FAM83F: variants seen among roughly 807,000 people sequenced by gnomAD.
FAM83F encodes protein FAM83F.
Under a neutral mutation model 42.9 loss-of-function variants are expected in FAM83F, and 45 were observed. The observed-to-expected ratio is 1.05, with a 90% CI of 0.83 to 1.35. The LOEUF (loss-of-function observed/expected upper bound fraction) is 1.35, where lower values mean the gene tolerates loss of function less well. Among genes scored for constraint, FAM83F ranks in the 40% most tolerant of loss-of-function variants. The pLI is 0.00. For synonymous variants in FAM83F, 306 were observed against 298.3 expected (o/e 1.03, Z -0.27); for missense variants, 617 against 695.9 (o/e 0.89, Z 1.28).
In FAM83F at chr22:39,995,608, GGGCCCGGGGCA is replaced by G; in HGVS notation, c.489+82_489+92del. 6.9e-7 allele frequency: 1 copy of G among 1,446,340 alleles called. No homozygotes were observed. Among genetic ancestry groups the G allele is most frequent in the Non-Finnish European group, 9.1e-7 (1 of 1,099,512 alleles). The allele number at this position is 1,446,340 out of a possible 1,614,324, so 89.6% of individuals were successfully genotyped here. A position where few individuals can be genotyped will look rare whatever the true frequency, so the allele number is the denominator to read the frequency against. ...TGGACCGGGCCCCACCTCCCAGGCA[GGGCCCGGGGCA>G]GGCCGCCCTGAGCACCCTCTGGAAA... On this transcript the variant is annotated intron_variant, in intron 1 of 4. Coordinates refer to ENST00000333407, the MANE Select transcript of FAM83F (RefSeq NM_138435.4). This position sits in a 1 kb window ranked among gnomAD's most constrained non-coding sequence, Gnocchi z 4.6.
At chr22:40,005,597 T>G (rs1188536993) in intron 1 of FAM83F, among the ~76,000 whole-genome samples, 4 of 152,344 alleles carry the variant, frequency 2.6e-5, no homozygotes, top group Non-Finnish European at 4.4e-5. Context: ...AGCCTGGGTC[T>G]CCTTTGTACA....
In FAM83F at chr22:39,994,984, T is replaced by A; in HGVS notation, c.-59T>A. The A allele has an allele frequency of 8.2e-7, 1 of 1,214,420 alleles. No individual in the cohort carries two copies. The highest frequency in any genetic ancestry group is 3.3e-5 in the East Asian group (1 of 30,352). The allele number at this position is 1,214,420 out of a possible 1,614,324, so 75.2% of individuals were successfully genotyped here. A position where few individuals can be genotyped will look rare whatever the true frequency, so the allele number is the denominator to read the frequency against. On this transcript the variant is annotated 5_prime_UTR_variant, in exon 1 of 5. Coordinates refer to ENST00000333407, the MANE Select transcript of FAM83F (RefSeq NM_138435.4). ...GCCCCTCGGCGGCTCCAGGTGCGGCTGTGGGACCTCGGACCGCGGCGGGGC... is the reference window on the plus strand; with the variant it reads ...GCCCCTCGGCGGCTCCAGGTGCGGCAGTGGGACCTCGGACCGCGGCGGGGC...
At chr22:40,007,621 CCTCCTCTCCT>C (rs1196900924) in intron 1 of FAM83F, among the ~76,000 whole-genome samples, 199 of 116,816 alleles carry the variant, frequency 1.7e-3, no homozygotes, top group African/African-American at 6.6e-3. Flanking sequence ...CTCCTCTCTT[CCTCCTCTCCT>C]CTCCTCTCCT....
chr22:40,005,430 C>T (rs1361613692), intron 1 of FAM83F, among the ~76,000 whole-genome samples: 2 of 152,226 alleles, frequency 1.3e-5, no homozygotes, highest in African/African-American at 4.8e-5. Context: ...GGAAAGTCAT[C>T]CCAGAAGCTT....
intron 1 of FAM83F, chr22:39,998,948 A>T (rs1229054450): frequency 6.6e-6 from 1 of 152,148 alleles, no homozygotes; most frequent in African/African-American, 2.4e-5. Flanking sequence ...TAGACTGGGA[A>T]ACTCTTGGTT....
chr22:39,995,121 T>C lies in FAM83F; in HGVS notation c.79T>C (p.Tyr27His). The change falls in exon 1 of 5, where the codon TAC (tyrosine) becomes CAC (histidine). Residue 27 changes from tyrosine (Y) to histidine (H), a missense_variant. Tyr to His is a moderately conservative substitution (Grantham distance 83, BLOSUM62 2). Coordinates refer to ENST00000333407, the MANE Select transcript of FAM83F (RefSeq NM_138435.4). This position sits in a 1 kb window ranked among gnomAD's most constrained non-coding sequence, Gnocchi z 4.6. ...GACCGAGGCGCAGGCCGCCTTCTAC[T>C]ACTGCGAGCGGCGGCGGGCCGCGCT... ...KVTEAQAAFY[Y>H]CERRRAALEA... 7.3e-7 allele frequency: 1 copy of C among 1,372,900 alleles called. No individual in the cohort carries two copies. Among genetic ancestry groups the C allele is most frequent in the Non-Finnish European group, 9.3e-7 (1 of 1,072,542 alleles). 85.0% of individuals were successfully genotyped at this position (1,372,900 alleles called of 1,614,324 possible).
In FAM83F at chr22:40,031,369, G is replaced by A. The variant is rs994937088; in HGVS notation, c.*1804G>A. 1 of 152,240 alleles carries A rather than the reference G, an allele frequency of 6.6e-6. No homozygotes were observed. The highest frequency in any genetic ancestry group is 1.5e-5 in the Non-Finnish European group (1 of 68,088). 9.4% of individuals were successfully genotyped at this position (152,240 alleles called of 1,614,324 possible). A position where few individuals can be genotyped will look rare whatever the true frequency, so the allele number is the denominator to read the frequency against. ...AAGAGATCACTCTCTGGTGTGGAGGGTGGGTGTCTCTGGGGATTAGGGAGG... is the reference window on the plus strand; with the variant it reads ...AAGAGATCACTCTCTGGTGTGGAGGATGGGTGTCTCTGGGGATTAGGGAGG... On this transcript the variant is annotated 3_prime_UTR_variant, in exon 5 of 5. Coordinates refer to ENST00000333407, the MANE Select transcript of FAM83F (RefSeq NM_138435.4).
At position 40,038,948 on chromosome 22, in the gene FAM83F, T is replaced by C. The variant is rs1601777682; in HGVS notation, c.*9383T>C. 6.6e-6 allele frequency: 1 copy of C among 152,232 alleles called. No individual in the cohort carries two copies. The highest frequency in any genetic ancestry group is 1.5e-5 in the Non-Finnish European group (1 of 68,054). The allele number at this position is 152,232 out of a possible 1,614,324, so 9.4% of individuals were successfully genotyped here. A position where few individuals can be genotyped will look rare whatever the true frequency, so the allele number is the denominator to read the frequency against. On this transcript the variant is annotated 3_prime_UTR_variant, in exon 5 of 5. Coordinates refer to ENST00000333407, the MANE Select transcript of FAM83F (RefSeq NM_138435.4). ...ACCTATCTCTGCCTTACTTTCTTCA[T>C]CTGTATCTACCTCAGAAAGTTACTA...
chr22:40,037,436 G>A lies in FAM83F; in HGVS notation c.*7871G>A, dbSNP rs1025085624. 1 of 152,350 alleles carries A rather than the reference G, an allele frequency of 6.6e-6. No individual in the cohort carries two copies. The highest frequency in any genetic ancestry group is 2.4e-5 in the African/African-American group (1 of 41,470). 9.4% of individuals were successfully genotyped at this position (152,350 alleles called of 1,614,324 possible). On this transcript the variant is annotated 3_prime_UTR_variant, in exon 5 of 5. Coordinates refer to ENST00000333407, the MANE Select transcript of FAM83F (RefSeq NM_138435.4). ...TTAGCTCACAGGCTGTGCCAAAACA[G>A]GCAGTGGGCTGGATTTGGTCCTCAA...
Position 39,995,177 on chromosome 22 carries a change from C to A in FAM83F, c.135C>A (p.Ala45=). ...LEALLGGGEQ[A]YRERLKEEQL... ...CGCTGCTGGGCGGCGGCGAGCAGGCCTACCGCGAGCGGCTCAAGGAGGAGC... is the reference window on the plus strand; with the variant it reads ...CGCTGCTGGGCGGCGGCGAGCAGGCATACCGCGAGCGGCTCAAGGAGGAGC... Residue 45 remains alanine, a synonymous_variant, in exon 1 of 5, where the codon GCC becomes GCA. Transcript: ENST00000333407. The surrounding 1 kb of genome is among the most constrained non-coding windows in gnomAD (Gnocchi z 4.6). The A allele has an allele frequency of 6.7e-7, 1 of 1,481,586 alleles. No individual in the cohort carries two copies. Among genetic ancestry groups the A allele is most frequent in the South Asian group, 1.3e-5 (1 of 76,306 alleles). 91.8% of individuals were successfully genotyped at this position (1,481,586 alleles called of 1,614,324 possible).
Position 40,021,782 on chromosome 22 carries a change from G to A in FAM83F, c.1272G>A (p.Met424Ile). 6.2e-7 allele frequency: 1 copy of A among 1,612,742 alleles called. No individual in the cohort carries two copies. Among genetic ancestry groups the A allele is most frequent in the Non-Finnish European group, 8.5e-7 (1 of 1,179,718 alleles). Reference sequence around the variant, plus strand: ...GAGAGGCACCCAGCCGAAACGGCATGGGAGAAGCGGCCCGGGGGGAGGCCG... The same window carrying A: ...GAGAGGCACCCAGCCGAAACGGCATAGGAGAAGCGGCCCGGGGGGAGGCCG... ...KSREAPSRNG[M>I]GEAARGEAAP... Residue 424 changes from methionine (M) to isoleucine (I), a missense_variant, in exon 4 of 5, where the codon ATG becomes ATA. Physicochemically the swap from Met to Ile is conservative, Grantham distance 10. Transcript: ENST00000333407. The surrounding 1 kb of genome is among the most constrained non-coding windows in gnomAD (Gnocchi z 8.7).
chr22:39,995,289 G>T lies in FAM83F; in HGVS notation c.247G>T (p.Ala83Ser). The T allele has an allele frequency of 6.5e-7, 1 of 1,536,454 alleles. No homozygotes were observed. Among genetic ancestry groups the T allele is most frequent in the Admixed American group, 2.0e-5 (1 of 50,882 alleles). The change falls in exon 1 of 5, where the codon GCC becomes TCC. Residue 83 changes from alanine to serine, a missense_variant. Ala to Ser is a moderately conservative substitution (Grantham distance 99). Coordinates refer to ENST00000333407, the MANE Select transcript of FAM83F (RefSeq NM_138435.4). This position sits in a 1 kb window ranked among gnomAD's most constrained non-coding sequence, Gnocchi z 4.6. ...CGAGGACGCCGTCCCCGCCGCCAAC[G>T]CCCGGGGCAAGAGCAAGGCCAAGGC... is the stretch of plus-strand genomic sequence containing the variant. ...PYEDAVPAANARGKSKAKAKA... is the reference protein window; with the variant it reads ...PYEDAVPAANSRGKSKAKAKA...
chr22:40,019,219 AT>A lies in FAM83F; in HGVS notation c.543del (p.Ile181MetfsTer21). 1 of 1,614,162 alleles carries A rather than the reference AT, an allele frequency of 6.2e-7. No homozygotes were observed. The highest frequency in any genetic ancestry group is 1.7e-4 in the Middle Eastern group (1 of 6,060). ...LFTDGDIFQD[I>X]VDAACKRRVP... is the part of the protein sequence containing the mutation. ...CACTGATGGTGATATCTTTCAAGAC[AT>A]TGTGGATGCTGCCTGTAAGCGCCGG... On this transcript the variant is annotated frameshift_variant, in exon 2 of 5. Coordinates refer to ENST00000333407, the MANE Select transcript of FAM83F (RefSeq NM_138435.4). LOFTEE classifies it high-confidence loss of function.
intron 4 of FAM83F, among the ~76,000 whole-genome samples, chr22:40,029,080 C>CGTGTGTGTGTGTGTGT (rs55770640): frequency 7.7e-6 from 1 of 130,520 alleles, no homozygotes; most frequent in African/African-American, 2.9e-5. Context: ...CTTGGCTAGA[C>CGTGTGTGTGTGTGTGT]GTGTGTGTGT....
intron 1 of FAM83F, among the ~76,000 whole-genome samples, chr22:39,997,093 C>G (rs920990763): frequency 6.6e-6 from 1 of 152,220 alleles, no homozygotes; most frequent in Non-Finnish European, 1.5e-5. Flanking sequence ...AAAAAGACAT[C>G]AGGATTCAGA....
At chr22:40,022,972 G>A in intron 4 of FAM83F, among the ~76,000 whole-genome samples, 1 of 152,218 alleles carries the variant, frequency 6.6e-6, no homozygotes, top group East Asian at 1.9e-4. Context: ...CTGCTTTGGA[G>A]TCTGACACAT....
In FAM83F at chr22:40,035,402, C is replaced by G. The variant is rs569476112; in HGVS notation, c.*5837C>G. 10 of 152,338 alleles carry G rather than the reference C, an allele frequency of 6.6e-5. No individual in the cohort carries two copies. The highest frequency in any genetic ancestry group is 2.6e-4 in the Admixed American group (4 of 15,296). The allele number at this position is 152,338 out of a possible 1,614,324, so 9.4% of individuals were successfully genotyped here. A position where few individuals can be genotyped will look rare whatever the true frequency, so the allele number is the denominator to read the frequency against. On this transcript the variant is annotated 3_prime_UTR_variant, in exon 5 of 5. Coordinates refer to ENST00000333407, the MANE Select transcript of FAM83F (RefSeq NM_138435.4). ...GTGCAGAAAACCATGCGTCATGATT[C>G]TTATTTCCTGCTCGCAGCTTTGACT...
chr22:40,005,978 G>A lies in FAM83F; in HGVS notation c.489+10447G>A, dbSNP rs527576998. On this transcript the variant is annotated intron_variant, in intron 1 of 4. Coordinates refer to ENST00000333407, the MANE Select transcript of FAM83F (RefSeq NM_138435.4). ...GTTGTAGCCGGGCGCGGTGGCTCAC[G>A]CCTGTAATGCCAGCACTGTGGGAGG... 1.2e-4 allele frequency among the ~76,000 whole-genome samples: 18 copies of A among 152,318 alleles called. No individual in the cohort carries two copies. In the South Asian group the frequency reaches 2.1e-3, roughly 18 times the overall value.
At position 39,995,218 on chromosome 22, in the gene FAM83F, T is replaced by C; in HGVS notation, c.176T>C (p.Leu59Pro). The change falls in exon 1 of 5, where the codon CTC becomes CCC. Residue 59 changes from leucine (L) to proline (P), a missense_variant. Transcript: ENST00000333407. The surrounding 1 kb of genome is among the most constrained non-coding windows in gnomAD (Gnocchi z 4.6). The stretch of plus-strand genomic sequence containing the variant: ...AAGGAGGAGCAGCTGCGGGACTTCC[T>C]CTCCAGCCCGGAGCGCCAGGCCCTG... ...RLKEEQLRDF[L>P]SSPERQALRA... The C allele has an allele frequency of 1.3e-6, 2 of 1,531,460 alleles. No individual in the cohort carries two copies. Among genetic ancestry groups the C allele is most frequent in the East Asian group, 2.5e-5 (1 of 40,714 alleles). 94.9% of individuals were successfully genotyped at this position (1,531,460 alleles called of 1,614,324 possible).
Sources: allele counts gnomAD v4.1 joint callset (sites outside exome capture counted in the v4.1 genomes callset), GRCh38; gene constraint gnomAD v4.1.1; non-coding constraint Gnocchi (gnomAD v3.1); transcripts MANE v1.5; gene names NCBI Gene and HGNC (gene_info 2026-07-23, HGNC 2026-07-21).